The following RFX3 variants were observed in gnomAD, a reference collection of about 807,000 sequenced individuals.
RFX3 encodes the protein transcription factor RFX3.
RFX3 carries 14 observed loss-of-function variants against 98.6 expected under a neutral mutation model. The observed-to-expected ratio is 0.14, with a 90% CI of 0.09 to 0.22. The LOEUF (loss-of-function observed/expected upper bound fraction) is 0.22, where lower values mean the gene tolerates loss of function less well. Ranked by LOEUF, RFX3 falls within the 10% of genes least tolerant of loss-of-function variation. The probability of loss-of-function intolerance (pLI) is 1.00; values close to 1 mark genes in which losing one functional copy is unlikely to be tolerated. For synonymous variants in RFX3, 383 were observed against 328.4 expected, an observed-to-expected ratio of 1.17 and a Z score of -1.80; for missense variants, 639 against 926.9, an observed-to-expected ratio of 0.69 and a Z score of 4.03.
At chr9:3,366,702 C>CTTTCT (rs1554681260) in intron 2 of RFX3, among the ~76,000 whole-genome samples, 7 of 76,376 alleles carry the variant, frequency 9.2e-5, no homozygotes, top group South Asian at 3.9e-4. Flanking sequence ...TCCTTTCTTT[C>CTTTCT]TTTCTTTCTT....
intron 1 of RFX3, among the ~76,000 whole-genome samples, chr9:3,439,463 GA>G (rs1254925232): frequency 6.6e-6 from 1 of 151,972 alleles, no homozygotes; most frequent in East Asian, 1.9e-4. Context: ...GCAATTCCAG[GA>G]AGGAGAGGTG....
At chr9:3,522,074 A>G (rs1163677030) in intron 1 of RFX3, among the ~76,000 whole-genome samples, 1 of 152,190 alleles carries the variant, frequency 6.6e-6, no homozygotes, top group Non-Finnish European at 1.5e-5. Context: ...AGAAAACTCT[A>G]AAAGTAGATT....
At chr9:3,518,347 G>A (rs985547030) in intron 1 of RFX3, among the ~76,000 whole-genome samples, 1 of 152,156 alleles carries the variant, frequency 6.6e-6, no homozygotes, top group African/African-American at 2.4e-5. Context: ...AAGCAGAGGA[G>A]GTGGCTAAGC....
intron 3 of RFX3, among the ~76,000 whole-genome samples, chr9:3,343,237 T>C (rs186178619): frequency 6.6e-6 from 1 of 152,278 alleles, no homozygotes; most frequent in Admixed American, 6.5e-5. Flanking sequence ...TTAGCGAGCT[T>C]ACTAAGCATG....
At chr9:3,321,582 T>C (rs778667300) in intron 4 of RFX3, among the ~76,000 whole-genome samples, 2 of 152,236 alleles carry the variant, frequency 1.3e-5, no homozygotes, top group East Asian at 3.8e-4. Flanking sequence ...GTAAGAGTGG[T>C]CTATAAATTT....
chr9:3,247,595 C>A, intron 15 of RFX3: 1 of 1,264,628 alleles, frequency 7.9e-7, no homozygotes, highest in Non-Finnish European at 1.0e-6. Flanking sequence ...TCATCATTAC[C>A]ATTTTTATCC....
chr9:3,299,689 C>A (rs1279164686), intron 5 of RFX3, among the ~76,000 whole-genome samples: 1 of 151,672 alleles, frequency 6.6e-6, no homozygotes, highest in African/African-American at 2.4e-5. Context: ...ATTGTTTATG[C>A]AGCTTAATTC....
At chr9:3,357,091 T>C (rs770048125) in intron 2 of RFX3, among the ~76,000 whole-genome samples, 47 of 151,996 alleles carry the variant, frequency 3.1e-4, no homozygotes, top group Non-Finnish European at 6.0e-4. Context: ...GACAGATCTT[T>C]GGCACTTTCA....
At chr9:3,477,412 C>T (rs926978357) in intron 1 of RFX3, among the ~76,000 whole-genome samples, 6 of 152,112 alleles carry the variant, frequency 3.9e-5, no homozygotes, top group African/African-American at 1.2e-4. Context: ...TATTTGGAAA[C>T]GTCTTAATTT....
At chr9:3,398,082 G>C (rs956375519) in intron 1 of RFX3, among the ~76,000 whole-genome samples, 1 of 152,152 alleles carries the variant, frequency 6.6e-6, no homozygotes, top group Non-Finnish European at 1.5e-5. Context: ...AGATTTTTAT[G>C]TGAAATCTCA....
intron 9 of RFX3, among the ~76,000 whole-genome samples, chr9:3,273,837 C>T (rs1465300568): frequency 1.3e-5 from 2 of 149,056 alleles, no homozygotes; most frequent in African/African-American, 2.5e-5. Context: ...TGCACTCCAG[C>T]CTGGGTGACA....
intron 1 of RFX3, among the ~76,000 whole-genome samples, chr9:3,409,328 G>A (rs555888943): frequency 1.4e-4 from 21 of 152,318 alleles, no homozygotes; most frequent in South Asian, 6.2e-4. Flanking sequence ...TGAATTGGAT[G>A]AACATGTTGC....
chr9:3,406,781 C>A (rs1234685679), intron 1 of RFX3, among the ~76,000 whole-genome samples: 1 of 152,004 alleles, frequency 6.6e-6, no homozygotes, highest in Non-Finnish European at 1.5e-5. Context: ...TCTTAATTTT[C>A]TAATGTGACT....
chr9:3,436,647 G>A (rs1845150941), intron 1 of RFX3, among the ~76,000 whole-genome samples: 1 of 151,992 alleles, frequency 6.6e-6, no homozygotes, highest in South Asian at 2.1e-4. Context: ...ATTTTTAAAA[G>A]TAAAAAGTTA....
At chr9:3,272,721 T>C (rs1441591591) in intron 9 of RFX3, among the ~76,000 whole-genome samples, 1 of 152,168 alleles carries the variant, frequency 6.6e-6, no homozygotes. Flanking sequence ...CCTTATATAG[T>C]TCTATATATG....
chr9:3,494,346 T>C (rs1178059218), intron 1 of RFX3, among the ~76,000 whole-genome samples: 1 of 152,198 alleles, frequency 6.6e-6, no homozygotes, highest in Non-Finnish European at 1.5e-5. Context: ...CAAAGAACTT[T>C]TGTTGGGATG....
rs1413627937 is a variant in RFX3, at chr9:3,318,003, C to T, written c.474+12256G>A. Among the ~76,000 whole-genome samples, 4 of 152,242 alleles carry T rather than the reference C, an allele frequency of 2.6e-5. No homozygotes were observed. The South Asian group carries it at 6.2e-4, about 24-fold the overall frequency. ...TCTAGAACTAGAAATACCATTTGAC[C>T]CAGCCATCCCATTACTGGGTACGTA... is the stretch of plus-strand genomic sequence containing the variant. On this transcript the variant is annotated intron_variant, in intron 4 of 16. Coordinates refer to ENST00000617270, the MANE Select transcript of RFX3 (RefSeq NM_001282116.2).
chr9:3,371,188 C>A (rs145916985), intron 2 of RFX3, among the ~76,000 whole-genome samples: 1 of 152,112 alleles, frequency 6.6e-6, no homozygotes, highest in African/African-American at 2.4e-5. Flanking sequence ...TCATTTACAG[C>A]GGCTTCCATT....
intron 14 of RFX3, 24 bp downstream of exon 14, chr9:3,256,967 G>T (rs770676040): frequency 6.3e-7 from 1 of 1,596,960 alleles, no homozygotes; most frequent in Non-Finnish European, 8.6e-7. Flanking sequence ...GAAGAAGAAA[G>T]CCTAGGAAAA....
Sources: gnomAD v4.1 joint callset for allele counts (sites outside exome capture counted in the v4.1 genomes callset) on GRCh38, gnomAD v4.1.1 for gene constraint, MANE v1.5 for transcripts, NCBI Gene and HGNC (gene_info 2026-07-23, HGNC 2026-07-21) for gene names.